WDPCP: variants seen among roughly 807,000 people sequenced by gnomAD.
WDPCP encodes the protein WD repeat-containing and planar cell polarity effector protein fritz homolog.
In WDPCP, 71 loss-of-function variants were observed where a neutral mutation model predicts 93.1. The observed-to-expected ratio is 0.76, with a 90% CI of 0.63 to 0.93. The LOEUF (loss-of-function observed/expected upper bound fraction) is 0.93. WDPCP is among the 40% of genes least tolerant of loss of function. The pLI, the probability that WDPCP is intolerant of heterozygous loss-of-function variation, is 0.00. For missense variants in WDPCP, 844 were observed against 887.4 expected, an observed-to-expected ratio of 0.95 and a Z score of 0.62; for synonymous variants, 315 against 315.0, an observed-to-expected ratio of 1.00 and a Z score of 0.00.
At chr2:63,551,953 C>T (rs369755386) in intron 1 of WDPCP, among the ~76,000 whole-genome samples, 1 of 138,850 alleles carries the variant, frequency 7.2e-6, no homozygotes. Context: ...GTTTTGCTTT[C>T]ATTTTCTTTT....
intron 2 of WDPCP, among the ~76,000 whole-genome samples, chr2:63,731,543 A>C (rs1669561840): frequency 6.6e-6 from 1 of 152,222 alleles, no homozygotes; most frequent in Non-Finnish European, 1.5e-5. Context: ...CTATTAGGAA[A>C]GTTGGCAAAA....
chr2:63,180,129 G>A (rs1419431824), intron 14 of WDPCP, among the ~76,000 whole-genome samples: 2 of 152,126 alleles, frequency 1.3e-5, no homozygotes, highest in African/African-American at 4.8e-5. Context: ...GAAATAGAGT[G>A]TACAATAATA....
At chr2:63,360,320 GCA>G (rs1280597633) in intron 12 of WDPCP, among the ~76,000 whole-genome samples, 1 of 152,162 alleles carries the variant, frequency 6.6e-6, no homozygotes, top group Non-Finnish European at 1.5e-5. Flanking sequence ...CACCAATATT[GCA>G]CAGTTAGTCT....
rs1211701956 is a variant in WDPCP at position 63,338,559 on chromosome 2, AAAAAAAAAAAATATATATATATAT to A, written c.1749-25272_1749-25249del. Among the ~76,000 whole-genome samples, 17 of 61,754 alleles carry A rather than the reference AAAAAAAAAAAATATATATATATAT, an allele frequency of 2.8e-4. 1 individual carries two copies. The highest frequency in any genetic ancestry group is 1.3e-3 in the South Asian group (2 of 1,558). 40.5% of individuals were successfully genotyped at this position (61,754 alleles called of 152,430 possible). ...AAGAGCAAAACTCCATCTAAAAAAAAAAAAAAAAAAATATATATATATATATATATATATATATATATATATATA... is the reference window on the plus strand; with the variant it reads ...AAGAGCAAAACTCCATCTAAAAAAAAATATATATATATATATATATATATA... On this transcript the variant is annotated intron_variant, in intron 12 of 17. Transcript: ENST00000272321.
intron 13 of WDPCP, among the ~76,000 whole-genome samples, chr2:63,274,071 A>T (rs2104880465): frequency 6.6e-6 from 1 of 152,312 alleles, no homozygotes; most frequent in Non-Finnish European, 1.5e-5. Flanking sequence ...AGCACGTGGA[A>T]TATTCTCCAG....
chr2:63,813,476 C>G lies in WDPCP; in HGVS notation n.308+146G>C, dbSNP rs1670888786. The G allele has an allele frequency of 2.0e-5, 3 of 152,196 alleles. No homozygotes were observed. The South Asian group carries it at 6.2e-4, about 31-fold the overall frequency. 9.4% of individuals were successfully genotyped at this position (152,196 alleles called of 1,614,324 possible). On this transcript the variant is annotated intron_variant and non_coding_transcript_variant, in intron 2 of 4. Transcript: ENST00000467687. ...CCTGACAGCAAGCTGCCCTTTCAGT[C>G]CTCATCATGTGTTCTACACTTCATG...
intron 10 of WDPCP, among the ~76,000 whole-genome samples, chr2:63,401,101 G>A (rs918941722): frequency 1.3e-5 from 2 of 151,834 alleles, no homozygotes; most frequent in South Asian, 2.1e-4. Flanking sequence ...ACTTCATGAC[G>A]AAAAAACCAA....
intron 2 of WDPCP, among the ~76,000 whole-genome samples, chr2:63,766,241 A>T (rs1046351252): frequency 1.3e-5 from 2 of 152,194 alleles, no homozygotes; most frequent in Non-Finnish European, 2.9e-5. Flanking sequence ...CCCTGAACAT[A>T]TACATTACAT....
the WDPCP span, among the ~76,000 whole-genome samples, chr2:63,839,519 T>C: frequency 6.6e-6 from 1 of 152,138 alleles, no homozygotes; most frequent in East Asian, 1.9e-4. Flanking sequence ...GACTGTGCCA[T>C]TGCACTCCAG....
chr2:63,647,761 G>T (rs534479643), intron 3 of WDPCP, among the ~76,000 whole-genome samples: 6 of 152,014 alleles, frequency 3.9e-5, no homozygotes, highest in African/African-American at 9.6e-5. Context: ...GTAAAACTGG[G>T]TAAAGGATAC....
At chr2:63,571,712 T>C (rs976157158) in intron 1 of WDPCP, 4 of 450,914 alleles carry the variant, frequency 8.9e-6, no homozygotes, top group African/African-American at 8.1e-5. Flanking sequence ...TTTTAAATAT[T>C]CAAACATTCT....
At chr2:63,560,940 C>T (rs6546017) in intron 1 of WDPCP, among the ~76,000 whole-genome samples, 122,275 of 152,174 alleles carry the variant, frequency 0.8, 49,798 homozygotes, top group East Asian at 0.98. Flanking sequence ...ATGTAACAAA[C>T]CTGCACGTTG....
chr2:63,588,410 A>T lies in WDPCP; in HGVS notation c.-139T>A, dbSNP rs1046453130. On this transcript the variant is annotated 5_prime_UTR_variant, in exon 1 of 18. Coordinates refer to ENST00000272321, the MANE Select transcript of WDPCP (RefSeq NM_015910.7). ...TTTCCTCAGGTGCTACAAAGCAGCC[A>T]GGGTGTGCGTGCGCTCCCGCCTCGT... The T allele has an allele frequency of 7.9e-6, 8 of 1,009,060 alleles. No homozygotes were observed. The highest frequency in any genetic ancestry group is 1.2e-5 in the Non-Finnish European group (8 of 653,202). The allele number at this position is 1,009,060 out of a possible 1,614,324, so 62.5% of individuals were successfully genotyped here. A position where few individuals can be genotyped will look rare whatever the true frequency, so the allele number is the denominator to read the frequency against.
At chr2:63,706,851 C>G (rs1669164099) in intron 2 of WDPCP, among the ~76,000 whole-genome samples, 1 of 151,944 alleles carries the variant, frequency 6.6e-6, no homozygotes, top group African/African-American at 2.4e-5. Context: ...CTCCTGACCT[C>G]ATGATCCACC....
At chr2:63,744,436 A>G (rs898825835) in intron 2 of WDPCP, among the ~76,000 whole-genome samples, 9 of 152,154 alleles carry the variant, frequency 5.9e-5, no homozygotes, top group Non-Finnish European at 1.3e-4. Flanking sequence ...ACTGGATGCC[A>G]GTTAATTGAT....
intron 2 of WDPCP, among the ~76,000 whole-genome samples, chr2:63,702,500 A>G (rs1669071222): frequency 1.3e-5 from 2 of 151,378 alleles, no homozygotes; most frequent in Non-Finnish European, 2.9e-5. Context: ...TTAAGCCTAC[A>G]TTTTTACATC....
chr2:63,238,328 A>G (rs1221520583), intron 14 of WDPCP, among the ~76,000 whole-genome samples: 1 of 152,168 alleles, frequency 6.6e-6, no homozygotes. Flanking sequence ...GGTAGACACT[A>G]CTGCATGTGA....
intron 1 of WDPCP, among the ~76,000 whole-genome samples, chr2:63,546,155 G>A (rs1213629273): frequency 3.3e-5 from 5 of 152,152 alleles, no homozygotes; most frequent in Admixed American, 6.6e-5. Flanking sequence ...CCTGTAATTA[G>A]CTCCTCTGAT....
chr2:63,513,593 C>T (rs541138669), intron 1 of WDPCP, among the ~76,000 whole-genome samples: 79 of 152,288 alleles, frequency 5.2e-4, no homozygotes, highest in African/African-American at 1.8e-3. Context: ...CACTAGAACT[C>T]CTCTGCCTCA....
Sources: gnomAD v4.1 joint callset for allele counts (sites outside exome capture counted in the v4.1 genomes callset) on GRCh38, gnomAD v4.1.1 for gene constraint, MANE v1.5 for transcripts, NCBI Gene and HGNC (gene_info 2026-07-23, HGNC 2026-07-21) for gene names.